Variants in MSR1 observed in about 807,000 individuals in gnomAD.
The protein encoded by MSR1 is macrophage scavenger receptor 1, also known as macrophage scavenger receptor types I and II.
In MSR1, 53 loss-of-function variants were observed where a neutral mutation model predicts 47.2. The observed-to-expected ratio is 1.12, with a 90% CI of 0.90 to 1.41. The LOEUF (loss-of-function observed/expected upper bound fraction) is 1.41, where lower values mean the gene tolerates loss of function less well. MSR1 is among the 40% of genes most tolerant of loss of function. MSR1 has a pLI of 0.00. For synonymous variants in MSR1, 239 were observed against 185.6 expected (o/e 1.29, Z -2.34); for missense variants, 786 against 546.9 (o/e 1.44, Z -4.36).
At chr8:16,176,480 C>T in intron 2 of MSR1, among the ~76,000 whole-genome samples, 1 of 145,202 alleles carries the variant, frequency 6.9e-6, no homozygotes. Flanking sequence ...GCACTCCAGC[C>T]TAGGTGAAAA....
rs1325471914 is a variant in MSR1 at position 16,155,204 on chromosome 8, A to G, written c.818-60T>C. 5 of 1,251,908 alleles carry G rather than the reference A, an allele frequency of 4.0e-6. No homozygotes were observed. In the East Asian group the frequency reaches 9.5e-5, roughly 24 times the overall value. The allele number at this position is 1,251,908 out of a possible 1,614,324, so 77.5% of individuals were successfully genotyped here. A position where few individuals can be genotyped will look rare whatever the true frequency, so the allele number is the denominator to read the frequency against. The stretch of plus-strand genomic sequence containing the variant: ...AAAGCATAGGAAAAATGGGTTAGTC[A>G]TCTGTCAAGGTACTTATATAAGGAA... On this transcript the variant is annotated intron_variant, in intron 5 of 9. Coordinates refer to ENST00000262101, the MANE Select transcript of MSR1 (RefSeq NM_138715.3).
At chr8:16,171,052 C>T (rs1159860701) in intron 3 of MSR1, among the ~76,000 whole-genome samples, 1 of 151,854 alleles carries the variant, frequency 6.6e-6, no homozygotes, top group Admixed American at 6.6e-5. Flanking sequence ...GGTGAAACCC[C>T]GTCTCTACTA....
chr8:16,179,456 C>T (rs567697295), intron 1 of MSR1, among the ~76,000 whole-genome samples: 8 of 152,086 alleles, frequency 5.3e-5, no homozygotes, highest in Non-Finnish European at 1.0e-4. Flanking sequence ...ATTGTCATTG[C>T]GAACTGCCAA....
chr8:16,126,161 G>A (rs1247213872), intron 8 of MSR1, among the ~76,000 whole-genome samples: 3 of 152,030 alleles, frequency 2.0e-5, no homozygotes, highest in Non-Finnish European at 2.9e-5. Flanking sequence ...TTCCATATAT[G>A]AGTCTACCCT....
At chr8:16,148,389 C>T (rs1486755912) in intron 7 of MSR1, among the ~76,000 whole-genome samples, 1 of 152,140 alleles carries the variant, frequency 6.6e-6, no homozygotes, top group African/African-American at 2.4e-5. Flanking sequence ...CCAACAATCA[C>T]ACTCTTAGGT....
intron 7 of MSR1, among the ~76,000 whole-genome samples, chr8:16,149,266 T>G (rs1320280158): frequency 6.6e-6 from 1 of 152,150 alleles, no homozygotes; most frequent in Non-Finnish European, 1.5e-5. Context: ...GAGGAGACCA[T>G]GTGTGCATGG....
At position 16,109,888 on chromosome 8, in the gene MSR1, T is replaced by C. The variant is rs398221; in HGVS notation, c.*197A>G. On this transcript the variant is annotated 3_prime_UTR_variant, in exon 10 of 10. Transcript: ENST00000262101. ...TTAGAAAATTCCATTTAAAAACCTATAGAAGTTAAAATGATTTAAATATAG... is the reference window on the plus strand; with the variant it reads ...TTAGAAAATTCCATTTAAAAACCTACAGAAGTTAAAATGATTTAAATATAG... 8,530 of 646,362 alleles carry C rather than the reference T, an allele frequency of 0.013. 562 individuals are homozygous for C. The African/African-American group carries it at 0.14, about 10-fold the overall frequency. 40.0% of individuals were successfully genotyped at this position (646,362 alleles called of 1,614,324 possible). A position where few individuals can be genotyped will look rare whatever the true frequency, so the allele number is the denominator to read the frequency against.
Position 16,168,582 on chromosome 8 carries a change from T to C in MSR1, c.506A>G (p.His169Arg), listed in dbSNP as rs770507833. 8 of 1,614,164 alleles carry C rather than the reference T, an allele frequency of 5.0e-6. No homozygotes were observed. Among genetic ancestry groups the C allele is most frequent in the Non-Finnish European group, 3.4e-6 (4 of 1,180,004 alleles). ...LSTLFSSVQG[H>R]GNAIDEISKS... ...GGAGATTTCATCTATTGCATTCCCA[T>C]GTCCCTGGACTGAGGAAAACAAGGT... The change falls in exon 4 of 10, where the codon CAT becomes CGT. Residue 169 changes from histidine (H) to arginine (R), a missense_variant. Transcript: ENST00000262101.
intron 8 of MSR1, chr8:16,121,207 C>G (rs1799998457): frequency 7.5e-6 from 3 of 401,402 alleles, no homozygotes; most frequent in Non-Finnish European, 9.8e-6. Context: ...TGTGTTTTTC[C>G]TCTTTAGAAA....
At chr8:16,138,263 A>G (rs1163520169) in intron 8 of MSR1, among the ~76,000 whole-genome samples, 3 of 152,162 alleles carry the variant, frequency 2.0e-5, no homozygotes, top group Non-Finnish European at 4.4e-5. Flanking sequence ...GATATTTAGG[A>G]CAGAGCCTCA....
intron 4 of MSR1, among the ~76,000 whole-genome samples, chr8:16,168,244 A>T (rs1250804246): frequency 6.6e-6 from 1 of 152,230 alleles, no homozygotes; most frequent in Non-Finnish European, 1.5e-5. Flanking sequence ...ATTCAATGGG[A>T]AAAATTTCCC....
chr8:16,159,896 C>T (rs960449664), intron 5 of MSR1, among the ~76,000 whole-genome samples: 6 of 151,678 alleles, frequency 4.0e-5, no homozygotes, highest in Non-Finnish European at 7.4e-5. Flanking sequence ...AAGATATCTT[C>T]GAATACAAAT....
chr8:16,164,191 C>T lies in MSR1; in HGVS notation c.691G>A (p.Glu231Lys), dbSNP rs757935690. 45 of 1,612,204 alleles carry T rather than the reference C, an allele frequency of 2.8e-5. No homozygotes were observed. The highest frequency in any genetic ancestry group is 5.3e-5 in the African/African-American group (4 of 74,846). Residue 231 changes from glutamate to lysine, a missense_variant, in exon 5 of 10, where the codon GAA becomes AAA. Transcript: ENST00000262101. ...TCCTGTTCCAAATGCACTTGTTCTT[C>T]TTTCATAGCCATAATTTCTGCTGAT... ...NVSAEIMAMK[E>K]EQVHLEQEIK...
chr8:16,119,049 T>G (rs574149322), intron 9 of MSR1, among the ~76,000 whole-genome samples: 1 of 152,236 alleles, frequency 6.6e-6, no homozygotes, highest in East Asian at 1.9e-4. Flanking sequence ...TTCTTCTATG[T>G]AAACCTTTAG....
At chr8:16,144,670 T>C (rs1800651359) in intron 7 of MSR1, among the ~76,000 whole-genome samples, 1 of 152,052 alleles carries the variant, frequency 6.6e-6, no homozygotes, top group Non-Finnish European at 1.5e-5. Context: ...TATTCTTCTA[T>C]AAAATAAAAA....
chr8:16,132,222 T>C (rs1306974255), intron 8 of MSR1, among the ~76,000 whole-genome samples: 1 of 152,056 alleles, frequency 6.6e-6, no homozygotes. Context: ...TTAGCTGTAT[T>C]CCTAGGAATT....
intron 9 of MSR1, 61 bp from the exon 10 acceptor site, chr8:16,110,279 G>C: frequency 6.4e-7 from 1 of 1,573,922 alleles, no homozygotes. Flanking sequence ...TCTTTGAGTG[G>C]GGCAAAGCCA....
At chr8:16,140,700 G>A (rs111611388) in intron 8 of MSR1, 7 of 1,344,978 alleles carry the variant, frequency 5.2e-6, no homozygotes, top group Non-Finnish European at 6.7e-6. Context: ...GAGAACTGAG[G>A]ACTGGTTGGA....
Position 16,164,737 on chromosome 8 carries a change from A to G in MSR1, c.631-486T>C, listed in dbSNP as rs541769414. Among the ~76,000 whole-genome samples the G allele has an allele frequency of 3.9e-5, 6 of 152,170 alleles. No homozygotes were observed. In the South Asian group the frequency reaches 1.2e-3, roughly 32 times the overall value. On this transcript the variant is annotated intron_variant, in intron 4 of 9. Coordinates refer to ENST00000262101, the MANE Select transcript of MSR1 (RefSeq NM_138715.3). ...TCATTGACAATAGATTTTCATACTC[A>G]ATAAAACCTCGAACTCGCATATTAA...
Sources: allele counts gnomAD v4.1 joint callset (sites outside exome capture counted in the v4.1 genomes callset), GRCh38; gene constraint gnomAD v4.1.1; transcripts MANE v1.5; gene names NCBI Gene and HGNC (gene_info 2026-07-23, HGNC 2026-07-21).